The following GPC6 variants were observed in gnomAD, a reference collection of about 807,000 sequenced individuals.
GPC6 encodes glypican 6.
GPC6 carries 14 observed loss-of-function variants against 55.2 expected under a neutral mutation model. The ratio of observed to expected loss-of-function variants is 0.25; its 90% CI spans 0.17 to 0.40. The LOEUF is 0.40. Among genes scored for constraint, GPC6 ranks in the 10% least tolerant of loss-of-function variants. The probability of loss-of-function intolerance (pLI) is 1.00; values close to 1 mark genes in which losing one functional copy is unlikely to be tolerated. For missense variants in GPC6, 641 were observed against 708.5 expected (o/e 0.90, Z 1.08); for synonymous variants, 278 against 259.6 (o/e 1.07, Z -0.68).
chr13:94,004,784 C>T (rs903196083), intron 3 of GPC6, among the ~76,000 whole-genome samples: 24 of 152,198 alleles, frequency 1.6e-4, no homozygotes, highest in East Asian at 1.9e-4. Context: ...CAGCTGGGTG[C>T]GGTGGCTCAT....
chr13:94,403,062 G>A lies in GPC6; in HGVS notation c.1513G>A (p.Val505Met), dbSNP rs763624026. 2.5e-5 allele frequency: 41 copies of A among 1,613,790 alleles called. No homozygotes were observed. Among genetic ancestry groups the A allele is most frequent in the Non-Finnish European group, 3.1e-5 (37 of 1,179,678 alleles). Residue 505 changes from valine to methionine, a missense_variant, in exon 9 of 9, where the codon GTG (valine) becomes ATG (methionine). Val to Met is a conservative substitution (Grantham distance 21, BLOSUM62 1). Coordinates refer to ENST00000377047, the MANE Select transcript of GPC6 (RefSeq NM_005708.5). ...SGSGSGCMDD[V>M]CPTEFEFVTT... ...GAGTGGCAGTGGGTGCATGGATGAC[G>A]TGTGTCCCACGGAGTTTGAGTTTGT...
At chr13:93,996,571 A>G (rs77966142) in intron 3 of GPC6, among the ~76,000 whole-genome samples, 1 of 152,198 alleles carries the variant, frequency 6.6e-6, no homozygotes, top group Admixed American at 6.5e-5. Flanking sequence ...CTACTTTTTC[A>G]AAACATTTAA....
intron 4 of GPC6, among the ~76,000 whole-genome samples, chr13:94,134,275 T>A (rs1451246338): frequency 6.6e-6 from 1 of 152,020 alleles, no homozygotes; most frequent in African/African-American, 2.4e-5. Context: ...GAATGGGGAG[T>A]AGGGGCCTAG....
At chr13:93,768,105 T>G (rs1194007195) in intron 2 of GPC6, among the ~76,000 whole-genome samples, 1 of 152,204 alleles carries the variant, frequency 6.6e-6, no homozygotes, top group Admixed American at 6.5e-5. Flanking sequence ...ATTTAACTCA[T>G]GTGGCGTGGA....
intron 1 of GPC6, among the ~76,000 whole-genome samples, chr13:93,388,634 C>T (rs1162614325): frequency 6.6e-6 from 1 of 152,198 alleles, no homozygotes; most frequent in Non-Finnish European, 1.5e-5. Context: ...ATGATGCCTC[C>T]TTAGAGCTGC....
At chr13:93,623,134 C>T (rs1327313583) in intron 2 of GPC6, among the ~76,000 whole-genome samples, 1 of 152,064 alleles carries the variant, frequency 6.6e-6, no homozygotes, top group Admixed American at 6.6e-5. Flanking sequence ...TGTATTCATG[C>T]CACATTTTCT....
At chr13:93,286,190 A>G (rs2139073892) in intron 1 of GPC6, among the ~76,000 whole-genome samples, 1 of 152,258 alleles carries the variant, frequency 6.6e-6, no homozygotes, top group African/African-American at 2.4e-5. Flanking sequence ...GGCAGGAGAG[A>G]GAATGAGTGC....
intron 2 of GPC6, among the ~76,000 whole-genome samples, chr13:93,803,558 AT>A (rs1555332696): frequency 1.3e-5 from 2 of 152,168 alleles, no homozygotes; most frequent in Non-Finnish European, 2.9e-5. Context: ...GAATTACCAT[AT>A]TCCCCAGCAA....
chr13:94,381,219 C>A (rs1396303012), intron 6 of GPC6, among the ~76,000 whole-genome samples: 5 of 152,152 alleles, frequency 3.3e-5, no homozygotes, highest in Non-Finnish European at 5.9e-5. Flanking sequence ...GTTGACTCAA[C>A]ATTTTTTTAC....
intron 1 of GPC6, among the ~76,000 whole-genome samples, chr13:93,544,042 C>G (rs1019207665): frequency 1.3e-5 from 2 of 150,618 alleles, no homozygotes; most frequent in African/African-American, 2.4e-5. Flanking sequence ...TTTTGATTTG[C>G]ATTTCCCGGA....
rs9301869 is a variant in GPC6, at chr13:93,350,921, T to A, written c.160+123305T>A. ...TAACTTTTCAGATGATGACAAAGAG[T>A]CACACACACATACACACAGACAAAA... On this transcript the variant is annotated intron_variant, in intron 1 of 8. Coordinates refer to ENST00000377047, the MANE Select transcript of GPC6 (RefSeq NM_005708.5). Among the ~76,000 whole-genome samples the A allele has an allele frequency of 4.9e-3, 739 of 152,122 alleles. 12 individuals carry two copies. Among genetic ancestry groups the A allele is most frequent in the African/African-American group, 0.017 (699 of 41,498 alleles).
At position 94,032,677 on chromosome 13, in the gene GPC6, C is replaced by G. The variant is rs1307131818; in HGVS notation, c.877+4783C>G. Among the ~76,000 whole-genome samples, 6 of 152,046 alleles carry G rather than the reference C, an allele frequency of 3.9e-5. 1 individual carries two copies. On this transcript the variant is annotated intron_variant, in intron 4 of 8. Transcript: ENST00000377047. ...AGTTGAGTTATCTTGATTTAGATGCCCTCCAAAGGGTGTTGTGGGGGAAGC... is the reference window on the plus strand; with the variant it reads ...AGTTGAGTTATCTTGATTTAGATGCGCTCCAAAGGGTGTTGTGGGGGAAGC...
chr13:93,852,402 G>T (rs990442664), intron 3 of GPC6, among the ~76,000 whole-genome samples: 5 of 151,694 alleles, frequency 3.3e-5, no homozygotes, highest in Non-Finnish European at 5.9e-5. Context: ...TATCTTTAAG[G>T]CTACAGTCAA....
At chr13:94,174,211 T>C (rs547248675) in intron 4 of GPC6, among the ~76,000 whole-genome samples, 7 of 152,268 alleles carry the variant, frequency 4.6e-5, no homozygotes, top group African/African-American at 1.4e-4. Context: ...ATCCATCCAA[T>C]GCAATTCAAA....
At chr13:93,840,249 A>G (rs553787713) in intron 3 of GPC6, among the ~76,000 whole-genome samples, 1 of 152,330 alleles carries the variant, frequency 6.6e-6, no homozygotes, top group South Asian at 2.1e-4. Flanking sequence ...ACACTAAGAA[A>G]TGAAACAGGA....
intron 4 of GPC6, among the ~76,000 whole-genome samples, chr13:94,194,348 G>C (rs1187762087): frequency 6.6e-6 from 1 of 152,156 alleles, no homozygotes; most frequent in East Asian, 1.9e-4. Flanking sequence ...AAATTTAACA[G>C]AGTGTCCTGC....
At chr13:93,811,915 C>T (rs1305225217) in intron 2 of GPC6, among the ~76,000 whole-genome samples, 2 of 152,208 alleles carry the variant, frequency 1.3e-5, no homozygotes, top group East Asian at 3.9e-4. Context: ...ACCCTGCAGC[C>T]ACACTTACTG....
chr13:93,564,758 T>C (rs1162147963), intron 2 of GPC6, among the ~76,000 whole-genome samples: 2 of 152,166 alleles, frequency 1.3e-5, no homozygotes, highest in Non-Finnish European at 2.9e-5. Flanking sequence ...TGTACATGAA[T>C]TACTTCCAGG....
chr13:93,442,011 T>C (rs1314552070), intron 1 of GPC6, among the ~76,000 whole-genome samples: 1 of 152,114 alleles, frequency 6.6e-6, no homozygotes, highest in Non-Finnish European at 1.5e-5. Context: ...ACGATCTGGA[T>C]TTTAAACAGG....
Sources: gnomAD v4.1 joint callset for allele counts (sites outside exome capture counted in the v4.1 genomes callset) on GRCh38, gnomAD v4.1.1 for gene constraint, MANE v1.5 for transcripts, NCBI Gene and HGNC (gene_info 2026-07-23, HGNC 2026-07-21) for gene names.